DCC: variants seen among roughly 807,000 people sequenced by gnomAD.
The protein encoded by DCC is netrin receptor DCC.
A neutral mutation model predicts 172.5 loss-of-function variants in DCC; 58 were observed. The observed-to-expected ratio is 0.34, with a 90% CI of 0.27 to 0.42. The LOEUF (loss-of-function observed/expected upper bound fraction) is 0.42, where lower values mean the gene tolerates loss of function less well. Ranked by LOEUF, DCC falls within the 10% of genes least tolerant of loss-of-function variation. The pLI is 1.00. For missense variants in DCC, 1,740 were observed against 1,791.0 expected (o/e 0.97, Z 0.51); for synonymous variants, 709 against 644.5 (o/e 1.10, Z -1.52).
intron 3 of DCC, among the ~76,000 whole-genome samples, chr18:52,908,239 G>A (rs1421641362): frequency 6.6e-6 from 1 of 152,184 alleles, no homozygotes; most frequent in Non-Finnish European, 1.5e-5. Context: ...GTGCTTTAAT[G>A]AGGACATCTC....
At chr18:53,195,602 C>G (rs1049866623) in intron 9 of DCC, among the ~76,000 whole-genome samples, 1 of 152,106 alleles carries the variant, frequency 6.6e-6, no homozygotes, top group Non-Finnish European at 1.5e-5. Context: ...GGTATAGGGT[C>G]GTTTTTGTCT....
intron 1 of DCC, among the ~76,000 whole-genome samples, chr18:52,668,182 T>C (rs1382282611): frequency 2.6e-5 from 4 of 152,136 alleles, no homozygotes; most frequent in African/African-American, 4.8e-5. Flanking sequence ...GTGTAGACAA[T>C]GGAAAAGAGG....
chr18:53,471,814 A>G (rs565750356), intron 25 of DCC, among the ~76,000 whole-genome samples: 6 of 152,232 alleles, frequency 3.9e-5, no homozygotes, highest in African/African-American at 1.4e-4. Flanking sequence ...TGCCTAACAC[A>G]GCATCTCTGG....
chr18:52,619,726 C>T (rs1482962410), intron 1 of DCC, among the ~76,000 whole-genome samples: 1 of 151,958 alleles, frequency 6.6e-6, no homozygotes, highest in Non-Finnish European at 1.5e-5. Context: ...TCAGAGTTTC[C>T]TAATCTAATA....
At chr18:52,597,162 A>G (rs1330897207) in intron 1 of DCC, among the ~76,000 whole-genome samples, 1 of 152,222 alleles carries the variant, frequency 6.6e-6, no homozygotes, top group African/African-American at 2.4e-5. Context: ...GTCAATTTGC[A>G]GAAGGTGTCT....
intron 8 of DCC, among the ~76,000 whole-genome samples, chr18:53,164,210 A>T (rs2054883716): frequency 6.6e-6 from 1 of 152,124 alleles, no homozygotes; most frequent in Admixed American, 6.6e-5. Flanking sequence ...TGCATTATTT[A>T]TTTACCACTA....
At chr18:52,523,738 C>G (rs943060258) in intron 1 of DCC, among the ~76,000 whole-genome samples, 6 of 152,152 alleles carry the variant, frequency 3.9e-5, no homozygotes, top group Non-Finnish European at 7.4e-5. Flanking sequence ...TATGTTCATG[C>G]TAATTTATAC....
chr18:52,642,058 GTGTGTATATA>G lies in DCC; in HGVS notation c.92-109994_92-109985del, dbSNP rs2034912020. Among the ~76,000 whole-genome samples, 4 of 5,098 alleles carry G rather than the reference GTGTGTATATA, an allele frequency of 7.8e-4. 1 individual carries two copies. Among genetic ancestry groups the G allele is most frequent in the African/African-American group, 1.6e-3 (4 of 2,556 alleles). 3.3% of individuals were successfully genotyped at this position (5,098 alleles called of 152,430 possible). On this transcript the variant is annotated intron_variant, in intron 1 of 28. Coordinates refer to ENST00000442544, the MANE Select transcript of DCC (RefSeq NM_005215.4). ...TATATATATATATACTGTGGTGTGTGTGTGTATATATATATATATATACACACACACACAC... is the reference window on the plus strand; with the variant it reads ...TATATATATATATACTGTGGTGTGTGTATATATATATACACACACACACAC...
At chr18:53,215,825 A>G (rs2055837850) in intron 12 of DCC, among the ~76,000 whole-genome samples, 1 of 152,186 alleles carries the variant, frequency 6.6e-6, no homozygotes, top group African/African-American at 2.4e-5. Flanking sequence ...ATTTACAAAT[A>G]TTAAACAAAC....
At chr18:53,087,815 A>G (rs1054186045) in intron 7 of DCC, among the ~76,000 whole-genome samples, 7 of 152,094 alleles carry the variant, frequency 4.6e-5, no homozygotes, top group Non-Finnish European at 8.8e-5. Context: ...TCAGCTTTCT[A>G]CATATGGCTA....
intron 2 of DCC, among the ~76,000 whole-genome samples, chr18:52,864,066 A>T (rs2039184661): frequency 6.6e-6 from 1 of 152,206 alleles, no homozygotes; most frequent in Admixed American, 6.5e-5. Context: ...ATAGACATGT[A>T]TATACAAAAA....
At chr18:53,035,893 ATAT>A (rs1440682313) in intron 5 of DCC, among the ~76,000 whole-genome samples, 7 of 152,064 alleles carry the variant, frequency 4.6e-5, no homozygotes, top group African/African-American at 1.7e-4. Flanking sequence ...ACTTGTTGTC[ATAT>A]TATCCTTAGA....
rs144123372 is a variant in DCC at position 53,053,321 on chromosome 18, C to T, written c.986-9984C>T. Among the ~76,000 whole-genome samples, 375 of 152,172 alleles carry T rather than the reference C, an allele frequency of 2.5e-3. 3 individuals carry two copies. Among genetic ancestry groups the T allele is most frequent in the African/African-American group, 8.7e-3 (361 of 41,526 alleles). ...TTAAGGGAAGATAAGAAAGTAAATC[C>T]TTTTTCTGTTTTACTCCAGAAACAC... is the stretch of plus-strand genomic sequence containing the variant. On this transcript the variant is annotated intron_variant, in intron 5 of 28. Coordinates refer to ENST00000442544, the MANE Select transcript of DCC (RefSeq NM_005215.4).
intron 7 of DCC, among the ~76,000 whole-genome samples, chr18:53,132,188 A>AT (rs2043667189): frequency 6.6e-6 from 1 of 151,972 alleles, no homozygotes; most frequent in Non-Finnish European, 1.5e-5. Flanking sequence ...CCCAGGGAAA[A>AT]TTTGAAATGG....
In DCC at chr18:53,486,899, G is replaced by A. The variant is rs1468620860; in HGVS notation, c.3839G>A (p.Arg1280Gln). Residue 1280 changes from arginine to glutamine, a missense_variant, in exon 26 of 29, where the codon CGG becomes CAG. By Grantham distance (43) the Arg-to-Gln change is conservative. This residue lies in a region of DCC where 1,732 missense variants were observed against 1,767.4 expected (regional missense o/e 0.98). Coordinates refer to ENST00000442544, the MANE Select transcript of DCC (RefSeq NM_005215.4). ...TATCCCCACCCGCAGTTCACTCTCCGGCCTGTGCCATTCCCAACACTCTCA... is the reference window on the plus strand; with the variant it reads ...TATCCCCACCCGCAGTTCACTCTCCAGCCTGTGCCATTCCCAACACTCTCA... ...CGYPHPQFTL[R>Q]PVPFPTLSVD... 7.4e-6 allele frequency: 12 copies of A among 1,614,022 alleles called. No homozygotes were observed. The highest frequency in any genetic ancestry group is 4.0e-5 in the African/African-American group (3 of 74,910).
intron 5 of DCC, among the ~76,000 whole-genome samples, chr18:52,987,825 A>G (rs1244273173): frequency 1.3e-5 from 2 of 152,234 alleles, no homozygotes; most frequent in Non-Finnish European, 2.9e-5. Context: ...TTCAACTCAC[A>G]TAACACAAAA....
intron 2 of DCC, among the ~76,000 whole-genome samples, chr18:52,787,722 A>G (rs1191739202): frequency 6.6e-6 from 1 of 152,070 alleles, no homozygotes; most frequent in Non-Finnish European, 1.5e-5. Context: ...GATTTTTGGG[A>G]TGCCTGTTAA....
chr18:52,808,872 G>T (rs548348471), intron 2 of DCC, among the ~76,000 whole-genome samples: 1 of 152,182 alleles, frequency 6.6e-6, no homozygotes. Context: ...GGACCTATGA[G>T]ATTTTAGAGC....
At chr18:52,439,069 T>G (rs1204326747) in intron 1 of DCC, among the ~76,000 whole-genome samples, 1 of 152,050 alleles carries the variant, frequency 6.6e-6, no homozygotes, top group East Asian at 1.9e-4. Flanking sequence ...GAAAAAAAGG[T>G]AAATTCGAAA....
Sources: gnomAD v4.1 joint callset for allele counts (sites outside exome capture counted in the v4.1 genomes callset) on GRCh38, gnomAD v4.1.1 for gene constraint, gnomAD v4.1.1 regional missense constraint, MANE v1.5 for transcripts, NCBI Gene and HGNC (gene_info 2026-07-23, HGNC 2026-07-21) for gene names.